TRNAU1AP: variants seen among roughly 807,000 people sequenced by gnomAD.
The protein encoded by TRNAU1AP is tRNA selenocysteine 1-associated protein 1.
TRNAU1AP carries 33 observed loss-of-function variants against 43.3 expected under a neutral mutation model. The observed-to-expected ratio is 0.76, with a 90% CI of 0.58 to 1.02. The LOEUF is 1.02. Among genes scored for constraint, TRNAU1AP ranks in the 50% least tolerant of loss-of-function variants. The pLI, the probability that TRNAU1AP is intolerant of heterozygous loss-of-function variation, is 0.00. For missense variants in TRNAU1AP, 290 were observed against 362.7 expected (o/e 0.80, Z 1.63); for synonymous variants, 143 against 129.1 (o/e 1.11, Z -0.73).
At chr1:28,553,585 C>T (rs1665183385) in intron 1 of TRNAU1AP, 55 bp from the exon 2 acceptor site, 19 of 1,552,888 alleles carry the variant, frequency 1.2e-5, no homozygotes, top group Non-Finnish European at 1.7e-5. Context: ...CTCTGGAACC[C>T]GGAGTGGGAA....
Position 28,567,297 on chromosome 1 carries a change from TTATGGTTTTGTGA to T in TRNAU1AP, c.415_427del (p.Tyr139AsnfsTer12). ...ATTGTATATTTTTTTCATGCAGGGGTTATGGTTTTGTGAAATTCACAGATGAACTGGAACAGAA... is the reference window on the plus strand; with the variant it reads ...ATTGTATATTTTTTTCATGCAGGGGTAATTCACAGATGAACTGGAACAGAA... On this transcript the variant is annotated frameshift_variant, in exon 6 of 9. Transcript: ENST00000373830. LOFTEE classifies it high-confidence loss of function. 6.2e-7 allele frequency: 1 copy of T among 1,612,012 alleles called. No individual in the cohort carries two copies. Among genetic ancestry groups the T allele is most frequent in the Non-Finnish European group, 8.5e-7 (1 of 1,179,496 alleles).
chr1:28,576,972 G>A (rs769910103), intron 8 of TRNAU1AP, among the ~76,000 whole-genome samples: 13 of 152,138 alleles, frequency 8.5e-5, no homozygotes, highest in Non-Finnish European at 1.8e-4. Context: ...AGGCTAAGGC[G>A]GGAGGATCAC....
At chr1:28,562,783 G>A (rs368856385) in intron 4 of TRNAU1AP, among the ~76,000 whole-genome samples, 9 of 151,836 alleles carry the variant, frequency 5.9e-5, no homozygotes, top group African/African-American at 2.2e-4. Context: ...GGGTTTCACC[G>A]TGTTAGCCAG....
chr1:28,557,336 C>T (rs910968862), intron 2 of TRNAU1AP, among the ~76,000 whole-genome samples: 1 of 151,292 alleles, frequency 6.6e-6, no homozygotes, highest in Non-Finnish European at 1.5e-5. Context: ...AGGAGAATGG[C>T]GTGAACCCGG....
chr1:28,560,728 C>T lies in TRNAU1AP; in HGVS notation c.221C>T (p.Thr74Ile), dbSNP rs370368589. 2.4e-5 allele frequency: 38 copies of T among 1,611,856 alleles called. No individual in the cohort carries two copies. Among genetic ancestry groups the T allele is most frequent in the Non-Finnish European group, 3.1e-5 (37 of 1,178,086 alleles). The part of the protein sequence containing the change: ...KINGKPLPGA[T>I]PAKRFKLNYA... ...AATGGGAAACCCCTTCCAGGAGCCA[C>T]ACCTGTAAGGACATTTAGATAATGA... The change falls in exon 3 of 9, where the codon ACA becomes ATA. Residue 74 changes from threonine to isoleucine, a missense_variant. Coordinates refer to ENST00000373830, the MANE Select transcript of TRNAU1AP (RefSeq NM_017846.5).
At chr1:28,562,871 G>A (rs1444270210) in intron 4 of TRNAU1AP, among the ~76,000 whole-genome samples, 20 of 149,752 alleles carry the variant, frequency 1.3e-4, no homozygotes, top group Admixed American at 1.1e-3. Flanking sequence ...GTGAGCCATC[G>A]TGCCTGGACT....
chr1:28,569,858 G>A (rs1439463746), intron 6 of TRNAU1AP, among the ~76,000 whole-genome samples: 3 of 150,154 alleles, frequency 2.0e-5, no homozygotes, highest in African/African-American at 4.9e-5. Flanking sequence ...AAAATTAGCC[G>A]GGCGTGCTGG....
At chr1:28,555,074 C>G (rs1401999451) in intron 2 of TRNAU1AP, among the ~76,000 whole-genome samples, 1 of 151,044 alleles carries the variant, frequency 6.6e-6, no homozygotes, top group African/African-American at 2.4e-5. Flanking sequence ...CCTGTCTCTA[C>G]CAAAAATTAG....
chr1:28,578,499 G>T lies in TRNAU1AP; in HGVS notation c.*863G>T. 1 of 298,054 alleles carries T rather than the reference G, an allele frequency of 3.4e-6. No homozygotes were observed. The highest frequency in any genetic ancestry group is 9.9e-5 in the East Asian group (1 of 10,100). The allele number at this position is 298,054 out of a possible 1,614,324, so 18.5% of individuals were successfully genotyped here. A position where few individuals can be genotyped will look rare whatever the true frequency, so the allele number is the denominator to read the frequency against. On this transcript the variant is annotated 3_prime_UTR_variant, in exon 9 of 9. Transcript: ENST00000373830. ...GATGGATTGCTTGAGCTCGGGAAGA[G>T]ACCAGTTCGGTCTCTACAAAAAAAT...
At chr1:28,558,023 G>A (rs947378709) in intron 2 of TRNAU1AP, among the ~76,000 whole-genome samples, 1 of 149,474 alleles carries the variant, frequency 6.7e-6, no homozygotes, top group South Asian at 2.1e-4. Context: ...AGCCTCCTGA[G>A]TAGCTGGGAT....
At chr1:28,553,882 G>C (rs1270426869) in intron 2 of TRNAU1AP, 145 bp downstream of exon 2, 1 of 727,550 alleles carries the variant, frequency 1.4e-6, no homozygotes, top group East Asian at 2.8e-5. Context: ...GTCCCAATGA[G>C]TGGAAGGATG....
chr1:28,563,528 C>A (rs1183369328), intron 4 of TRNAU1AP, among the ~76,000 whole-genome samples: 1 of 151,884 alleles, frequency 6.6e-6, no homozygotes, highest in African/African-American at 2.4e-5. Flanking sequence ...ACTAAAAATA[C>A]AAAAAATTAG....
At chr1:28,558,808 G>A (rs896641640) in intron 2 of TRNAU1AP, among the ~76,000 whole-genome samples, 4 of 151,578 alleles carry the variant, frequency 2.6e-5, no homozygotes, top group African/African-American at 9.7e-5. Context: ...CTCGTGATCC[G>A]CCCGCCTCGG....
chr1:28,554,836 C>G (rs1395979044), intron 2 of TRNAU1AP, among the ~76,000 whole-genome samples: 1 of 144,602 alleles, frequency 6.9e-6, no homozygotes, highest in Non-Finnish European at 1.5e-5. Context: ...AGCTGAGACT[C>G]TGTCTCAAAA....
At chr1:28,573,593 T>G (rs1234214930) in intron 8 of TRNAU1AP, among the ~76,000 whole-genome samples, 1 of 151,146 alleles carries the variant, frequency 6.6e-6, no homozygotes, top group African/African-American at 2.4e-5. Flanking sequence ...GCCAACATGG[T>G]GAAATTCTGC....
Position 28,553,095 on chromosome 1 carries a change from A to T in TRNAU1AP, c.-16A>T. ...CGCAGAGCCCCGCCCGCAAAGCCCC[A>T]CCCCGGTGCGCGGGTATGGCGGCCA... On this transcript the variant is annotated 5_prime_UTR_variant, in exon 1 of 9. Coordinates refer to ENST00000373830, the MANE Select transcript of TRNAU1AP (RefSeq NM_017846.5). 4 of 1,523,932 alleles carry T rather than the reference A, an allele frequency of 2.6e-6. No homozygotes were observed. Among genetic ancestry groups the T allele is most frequent in the South Asian group, 1.2e-5 (1 of 82,046 alleles). 94.4% of individuals were successfully genotyped at this position (1,523,932 alleles called of 1,614,324 possible).
intron 8 of TRNAU1AP, among the ~76,000 whole-genome samples, chr1:28,575,107 CATA>C (rs1665745508): frequency 6.6e-6 from 1 of 152,134 alleles, no homozygotes; most frequent in Non-Finnish European, 1.5e-5. Context: ...TAATTAGCCT[CATA>C]ATATCTGTAG....
At chr1:28,556,793 C>T (rs902275770) in intron 2 of TRNAU1AP, among the ~76,000 whole-genome samples, 16 of 152,090 alleles carry the variant, frequency 1.1e-4, no homozygotes, top group African/African-American at 3.6e-4. Flanking sequence ...AAGCGATTCT[C>T]CTGCCTCAGC....
chr1:28,564,343 T>C (rs1282917324), intron 4 of TRNAU1AP, among the ~76,000 whole-genome samples: 1 of 152,236 alleles, frequency 6.6e-6, no homozygotes, highest in African/African-American at 2.4e-5. Flanking sequence ...TTTTTCTGTC[T>C]TTTAACATTT....
Sources: gnomAD v4.1 joint callset for allele counts (sites outside exome capture counted in the v4.1 genomes callset) on GRCh38, gnomAD v4.1.1 for gene constraint, MANE v1.5 for transcripts, NCBI Gene and HGNC (gene_info 2026-07-23, HGNC 2026-07-21) for gene names.